WNT2B: variants seen among roughly 807,000 people sequenced by gnomAD.
The protein encoded by WNT2B is Wnt family member 2B, also known as protein Wnt-2b.
Under a neutral mutation model 40.5 loss-of-function variants are expected in WNT2B, and 19 were observed. That is an observed-to-expected ratio of 0.47 (90% confidence interval 0.33 to 0.69). The LOEUF (loss-of-function observed/expected upper bound fraction) is 0.69, where lower values mean the gene tolerates loss of function less well. Among genes scored for constraint, WNT2B ranks in the 30% least tolerant of loss-of-function variants. The pLI, the probability that WNT2B is intolerant of heterozygous loss-of-function variation, is 0.02. For synonymous variants in WNT2B, 220 were observed against 211.9 expected, an observed-to-expected ratio of 1.04 and a Z score of -0.33; for missense variants, 467 against 556.4, an observed-to-expected ratio of 0.84 and a Z score of 1.62.
At chr1:112,507,307 C>G, upstream of WNT2B, among the ~76,000 whole-genome samples, 1 of 152,190 alleles carries the variant, frequency 6.6e-6, no homozygotes, top group East Asian at 1.9e-4. Flanking sequence ...AGAAGGCAAA[C>G]TCCATGAGGG....
chr1:112,518,487 G>A (rs1475335413), intron 4 of WNT2B: 1 of 152,194 alleles, frequency 6.6e-6, no homozygotes, highest in Non-Finnish European at 1.5e-5. Context: ...AATTAATGAA[G>A]AAAGTAGTCT....
At position 112,520,771 on chromosome 1, in the gene WNT2B, G is replaced by T; in HGVS notation, c.*262G>T. 1 of 518,576 alleles carries T rather than the reference G, an allele frequency of 1.9e-6. No homozygotes were observed. The highest frequency in any genetic ancestry group is 3.3e-5 in the Admixed American group (1 of 30,300). The allele number at this position is 518,576 out of a possible 1,614,324, so 32.1% of individuals were successfully genotyped here. On this transcript the variant is annotated 3_prime_UTR_variant, in exon 5 of 5. Transcript: ENST00000369684. The stretch of plus-strand genomic sequence containing the variant: ...GAAGGGAGAGTAGAAGAGATAGGGG[G>T]TCTTTAGAGTGAAATGAGTTGCACT...
chr1:112,477,967 C>T (rs894415158), intron 1 of WNT2B, among the ~76,000 whole-genome samples: 2 of 152,212 alleles, frequency 1.3e-5, no homozygotes, highest in African/African-American at 2.4e-5. Context: ...AGCACTGTAG[C>T]TCATGCCTGT....
Position 112,513,395 on chromosome 1 carries a change from C to T in WNT2B, c.183-1479C>T, listed in dbSNP as rs1167890815. Among the ~76,000 whole-genome samples, 3 of 152,316 alleles carry T rather than the reference C, an allele frequency of 2.0e-5. No individual in the cohort carries two copies. The East Asian group carries it at 5.8e-4, about 29-fold the overall frequency. On this transcript the variant is annotated intron_variant, in intron 1 of 4. Coordinates refer to ENST00000369684, the MANE Select transcript of WNT2B (RefSeq NM_024494.3). ...TCCATGGGATTTGTTAGGGGAGGGC[C>T]AGCCCTCTCACCCCTTCCCCGGGAC...
chr1:112,516,851 T>C (rs537354654), intron 3 of WNT2B, among the ~76,000 whole-genome samples: 2 of 152,300 alleles, frequency 1.3e-5, no homozygotes, highest in African/African-American at 2.4e-5. Context: ...CACACTGTCA[T>C]CGTGAACAGA....
intron 1 of WNT2B, among the ~76,000 whole-genome samples, chr1:112,478,290 T>TAA (rs200355435): frequency 6.6e-6 from 1 of 150,476 alleles, no homozygotes; most frequent in Admixed American, 6.6e-5. Context: ...GAAAGCTTAT[T>TAA]AAAAAAAAAT....
In WNT2B at chr1:112,520,440, A is replaced by G. The variant is rs781324420; in HGVS notation, c.1107A>G (p.Glu369=). 1 of 1,614,212 alleles carries G rather than the reference A, an allele frequency of 6.2e-7. No individual in the cohort carries two copies. Among genetic ancestry groups the G allele is most frequent in the South Asian group, 1.1e-5 (1 of 91,084 alleles). The part of the protein sequence containing the change: ...FHWCCAVRCK[E]CRNTVDVHTC... ...GGTGCTGTGCTGTACGGTGCAAGGAATGCAGAAATACTGTGGACGTCCATA... is the reference window on the plus strand; with the variant it reads ...GGTGCTGTGCTGTACGGTGCAAGGAGTGCAGAAATACTGTGGACGTCCATA... Residue 369 remains glutamate, a synonymous_variant, in exon 5 of 5, where the codon GAA becomes GAG. Transcript: ENST00000369684.
chr1:112,529,040 C>G lies in WNT2B; in HGVS notation c.*8531C>G, dbSNP rs1653929435. ...TTTGTCATACTTCTTAACCAAACTT[C>G]CCTAACTTCTGAGGATAAAAACCAT... On this transcript the variant is annotated 3_prime_UTR_variant, in exon 5 of 5. Coordinates refer to ENST00000369684, the MANE Select transcript of WNT2B (RefSeq NM_024494.3). The G allele has an allele frequency of 6.6e-6, 1 of 152,174 alleles. No homozygotes were observed. The highest frequency in any genetic ancestry group is 6.5e-5 in the Admixed American group (1 of 15,274). The allele number at this position is 152,174 out of a possible 1,614,324, so 9.4% of individuals were successfully genotyped here.
intron 1 of WNT2B, among the ~76,000 whole-genome samples, chr1:112,494,928 T>C (rs959108443): frequency 2.6e-5 from 4 of 151,576 alleles, no homozygotes; most frequent in Admixed American, 6.6e-5. Context: ...GTATATTTGA[T>C]TATGTATGCT....
At chr1:112,488,704 A>G (rs1420701636) in intron 1 of WNT2B, among the ~76,000 whole-genome samples, 1 of 151,870 alleles carries the variant, frequency 6.6e-6, no homozygotes, top group Non-Finnish European at 1.5e-5. Context: ...GGCGCTCGCC[A>G]CCATGCCCGG....
chr1:112,485,151 G>C lies in WNT2B; in HGVS notation c.-95+17560G>C, dbSNP rs146256176. On this transcript the variant is annotated intron_variant, in intron 1 of 4. Transcript: ENST00000256640. The stretch of plus-strand genomic sequence containing the variant: ...GAAAATGTCACTATCTAACTTCAAA[G>C]CTTTTTATAAAGTTATAGTCGTCAG... 6.2e-3 allele frequency among the ~76,000 whole-genome samples: 943 copies of C among 152,296 alleles called. 11 individuals are homozygous for C. The highest frequency in any genetic ancestry group is 0.022 in the African/African-American group (903 of 41,558).
chr1:112,514,196 G>C (rs1334189339), intron 1 of WNT2B, among the ~76,000 whole-genome samples: 1 of 152,174 alleles, frequency 6.6e-6, no homozygotes, highest in Non-Finnish European at 1.5e-5. Context: ...TCCAGGTTGG[G>C]GAAGATGGTT....
rs5777124 is a variant in WNT2B, at chr1:112,521,311, CTTTTTTTT to C, written c.*815_*822del. 2.0e-3 allele frequency: 244 copies of C among 122,106 alleles called. 1 individual carries two copies. Among genetic ancestry groups the C allele is most frequent in the African/African-American group, 7.2e-3 (237 of 32,916 alleles). The allele number at this position is 122,106 out of a possible 1,614,324, so 7.6% of individuals were successfully genotyped here. The stretch of plus-strand genomic sequence containing the variant: ...TAAGTCTGGCTAGGCCTTGTGTTGC[CTTTTTTTT>C]TTTTTTTTTTTTCTTTTCTTTTCTT... On this transcript the variant is annotated 3_prime_UTR_variant, in exon 5 of 5. Coordinates refer to ENST00000369684, the MANE Select transcript of WNT2B (RefSeq NM_024494.3).
chr1:112,522,145 CTCAGCCTCCCCA>C lies in WNT2B; in HGVS notation c.*1638_*1649del, dbSNP rs1413326245. ...TCCCAGGCTCAAGCAATCCTCCCAC[CTCAGCCTCCCCA>C]TTAGCTGGGACTACAGGGCCATGCC... On this transcript the variant is annotated 3_prime_UTR_variant, in exon 5 of 5. Transcript: ENST00000369684. The C allele has an allele frequency of 6.6e-6, 1 of 152,268 alleles. No individual in the cohort carries two copies. Among genetic ancestry groups the C allele is most frequent in the Non-Finnish European group, 1.5e-5 (1 of 68,160 alleles). 9.4% of individuals were successfully genotyped at this position (152,268 alleles called of 1,614,324 possible).
chr1:112,487,636 T>G (rs1204236878), intron 1 of WNT2B, among the ~76,000 whole-genome samples: 1 of 152,074 alleles, frequency 6.6e-6, no homozygotes, highest in Admixed American at 6.6e-5. Context: ...AATAAGTAAT[T>G]CAAAATCTAA....
At chr1:112,479,544 A>C (rs1651157566) in intron 1 of WNT2B, among the ~76,000 whole-genome samples, 1 of 152,064 alleles carries the variant, frequency 6.6e-6, no homozygotes, top group Non-Finnish European at 1.5e-5. Context: ...ACTGCACTCC[A>C]GCCTGGGAGA....
Position 112,478,842 on chromosome 1 carries a change from G to C in WNT2B, c.-95+11251G>C, listed in dbSNP as rs558876501. On this transcript the variant is annotated intron_variant, in intron 1 of 4. Coordinates refer to the WNT2B transcript ENST00000256640. ...GGAGGCTGAGGCAGGAGGCTTGCTT[G>C]AGCAGAGGTGTTTGAAGTTGCAGTG... is the stretch of plus-strand genomic sequence containing the variant. Among the ~76,000 whole-genome samples, 124 of 152,240 alleles carry C rather than the reference G, an allele frequency of 8.1e-4. 1 individual carries two copies. Among genetic ancestry groups the C allele is most frequent in the African/African-American group, 2.9e-3 (120 of 41,542 alleles).
chr1:112,485,468 A>C (rs1017750335), intron 1 of WNT2B, among the ~76,000 whole-genome samples: 22 of 152,136 alleles, frequency 1.4e-4, no homozygotes, highest in Admixed American at 8.5e-4. Flanking sequence ...CTCAAAAAAA[A>C]AAAAAAAAGG....
chr1:112,506,549 C>T (rs955465437), upstream of WNT2B, among the ~76,000 whole-genome samples: 1 of 152,196 alleles, frequency 6.6e-6, no homozygotes, highest in Non-Finnish European at 1.5e-5. Flanking sequence ...TCTAAACACA[C>T]AGGGGAGTCT....
Sources: gnomAD v4.1 joint callset for allele counts (sites outside exome capture counted in the v4.1 genomes callset) on GRCh38, gnomAD v4.1.1 for gene constraint, MANE v1.5 for transcripts, NCBI Gene and HGNC (gene_info 2026-07-23, HGNC 2026-07-21) for gene names.